TRIQK: variants seen among roughly 807,000 people sequenced by gnomAD.
TRIQK encodes the protein triple QxxK/R motif containing, also known as triple QxxK/R motif-containing protein.
TRIQK carries 10 observed loss-of-function variants against 10.8 expected under a neutral mutation model. The observed-to-expected ratio is 0.92, with a 90% CI of 0.57 to 1.57. TRIQK has a LOEUF of 1.57. TRIQK is among the 40% of genes most tolerant of loss of function. The pLI is 0.00. For missense variants in TRIQK, 107 were observed against 97.7 expected (o/e 1.09, Z -0.40); for synonymous variants, 33 against 33.7 (o/e 0.98, Z 0.07).
intron 3 of TRIQK, 69 bp from the exon 4 acceptor site, chr8:92,892,143 G>T: frequency 1.8e-6 from 2 of 1,092,718 alleles, no homozygotes; most frequent in Non-Finnish European, 1.3e-6. Context: ...CATTTGAAAT[G>T]TCAAAGAATG....
At chr8:92,972,825 C>T (rs1812888579) in intron 1 of TRIQK, 1 of 152,370 alleles carries the variant, frequency 6.6e-6, no homozygotes, top group East Asian at 1.9e-4. Context: ...AGGCCCACAA[C>T]ACCCATGGTC....
At chr8:92,955,473 T>G (rs994294589) in intron 1 of TRIQK, among the ~76,000 whole-genome samples, 2 of 151,616 alleles carry the variant, frequency 1.3e-5, no homozygotes, top group Non-Finnish European at 3.0e-5. Context: ...TATAAAACAT[T>G]TAAAGGAAAT....
intron 3 of TRIQK, among the ~76,000 whole-genome samples, chr8:92,898,868 TATATAG>T (rs1396250130): frequency 2.7e-4 from 36 of 132,576 alleles, no homozygotes; most frequent in African/African-American, 9.2e-4. Context: ...TATATATATA[TATATAG>T]ATGGGGGTAC....
At chr8:93,012,556 G>A (rs1813345731) in intron 1 of TRIQK, among the ~76,000 whole-genome samples, 2 of 151,994 alleles carry the variant, frequency 1.3e-5, no homozygotes, top group Admixed American at 1.3e-4. Context: ...GATTTTTCTG[G>A]TCTTTAATTC....
intron 2 of TRIQK, among the ~76,000 whole-genome samples, chr8:92,949,819 AAAGAAAGAAAGAAAGAAAGAAAGG>A (rs1463110445): frequency 2.9e-5 from 4 of 138,022 alleles, no homozygotes; most frequent in African/African-American, 1.1e-4. Context: ...AGAAAGAAAG[AAAGAAAGAAAGAAAGAAAGAAAGG>A]GAGAGAAAAG....
chr8:92,945,877 A>G (rs888724537), intron 2 of TRIQK, among the ~76,000 whole-genome samples: 9 of 152,070 alleles, frequency 5.9e-5, no homozygotes, highest in African/African-American at 2.2e-4. Flanking sequence ...GAAGCAAAGA[A>G]TAGAATATAA....
chr8:92,926,906 C>T lies in TRIQK; in HGVS notation c.-21-9896G>A, dbSNP rs901924918. Among the ~76,000 whole-genome samples, 9 of 152,138 alleles carry T rather than the reference C, an allele frequency of 5.9e-5. No individual in the cohort carries two copies. The East Asian group carries it at 1.7e-3, about 29-fold the overall frequency. ...AGTTGTCTAAAGAAAACAGGATTAA[C>T]TGGGTGCAGTCACTTGTGCCTGTAA... On this transcript the variant is annotated intron_variant, in intron 2 of 4. Transcript: ENST00000521988.
chr8:93,013,212 A>G (rs958208138), intron 1 of TRIQK, among the ~76,000 whole-genome samples: 6 of 152,214 alleles, frequency 3.9e-5, no homozygotes, highest in African/African-American at 1.4e-4. Flanking sequence ...AAAATTCCCA[A>G]TTAAAGAGTA....
At chr8:92,893,497 T>C (rs1019354343) in intron 3 of TRIQK, among the ~76,000 whole-genome samples, 2 of 152,024 alleles carry the variant, frequency 1.3e-5, no homozygotes, top group African/African-American at 4.8e-5. Flanking sequence ...ACAATTGTCA[T>C]AATATGTATC....
chr8:92,989,403 T>C (rs1813073196), intron 1 of TRIQK, among the ~76,000 whole-genome samples: 1 of 152,180 alleles, frequency 6.6e-6, no homozygotes, highest in Non-Finnish European at 1.5e-5. Context: ...GCTTCATCTC[T>C]ATTTACAGCT....
intron 3 of TRIQK, among the ~76,000 whole-genome samples, chr8:92,911,521 T>C (rs1014506333): frequency 6.6e-6 from 1 of 151,412 alleles, no homozygotes; most frequent in African/African-American, 2.4e-5. Context: ...TTATATGCTG[T>C]CTATAAAAGA....
intron 2 of TRIQK, among the ~76,000 whole-genome samples, chr8:92,922,955 G>A (rs754310030): frequency 2.0e-4 from 30 of 151,398 alleles, no homozygotes; most frequent in African/African-American, 3.9e-4. Flanking sequence ...GTAAAATAAC[G>A]TTTTACCAAA....
chr8:92,970,388 C>A (rs2130736821), upstream of TRIQK, among the ~76,000 whole-genome samples: 1 of 152,326 alleles, frequency 6.6e-6, no homozygotes, highest in East Asian at 1.9e-4. Context: ...CTGTCTTCCA[C>A]AATGGTTGAA....
intron 2 of TRIQK, among the ~76,000 whole-genome samples, chr8:92,925,357 A>C (rs749210712): frequency 5.3e-5 from 8 of 152,186 alleles, no homozygotes; most frequent in Non-Finnish European, 8.8e-5. Flanking sequence ...AAGAAAACAT[A>C]GTAGGATATA....
At chr8:92,951,432 G>C (rs912683310) in intron 2 of TRIQK, among the ~76,000 whole-genome samples, 1 of 152,030 alleles carries the variant, frequency 6.6e-6, no homozygotes, top group African/African-American at 2.4e-5. Context: ...CAAATGCAGA[G>C]AGTCACAGCT....
intron 1 of TRIQK, among the ~76,000 whole-genome samples, chr8:93,009,349 C>T (rs1253432296): frequency 2.6e-5 from 4 of 152,154 alleles, no homozygotes; most frequent in Non-Finnish European, 5.9e-5. Flanking sequence ...GTGGCTCATG[C>T]CTGTAATTGC....
Position 92,944,149 on chromosome 8 carries a change from C to A in TRIQK, c.-22+10257G>T, listed in dbSNP as rs1811403127. ...ATTAGGAAAATGCAAATCAAAACAA[C>A]AAGACAGCACCTTACACCTGTTAAA... On this transcript the variant is annotated intron_variant, in intron 2 of 4. Coordinates refer to ENST00000521988, the MANE Select transcript of TRIQK (RefSeq NM_001171797.2). 3.3e-5 allele frequency among the ~76,000 whole-genome samples: 5 copies of A among 151,938 alleles called. No homozygotes were observed. In the South Asian group the frequency reaches 1.0e-3, roughly 31 times the overall value.
upstream of TRIQK, among the ~76,000 whole-genome samples, chr8:92,966,436 G>A (rs2130732589): frequency 6.6e-6 from 1 of 152,216 alleles, no homozygotes; most frequent in Non-Finnish European, 1.5e-5. Flanking sequence ...TCATCCCTAA[G>A]GAGCGTCCCT....
chr8:92,933,036 G>C (rs1463796986), intron 2 of TRIQK, among the ~76,000 whole-genome samples: 3 of 152,022 alleles, frequency 2.0e-5, no homozygotes, highest in Admixed American at 6.6e-5. Context: ...TTTTTAGAAA[G>C]CAAGATCTGG....
Sources: allele counts gnomAD v4.1 joint callset (sites outside exome capture counted in the v4.1 genomes callset), GRCh38; gene constraint gnomAD v4.1.1; transcripts MANE v1.5; gene names NCBI Gene and HGNC (gene_info 2026-07-23, HGNC 2026-07-21).